The following RIPOR3 variants were observed in gnomAD, a reference collection of about 807,000 sequenced individuals.
RIPOR3 encodes the protein family with sequence similarity 65 member C.
Under a neutral mutation model 114.3 loss-of-function variants are expected in RIPOR3, and 95 were observed. The observed-to-expected ratio is 0.83, with a 90% CI of 0.70 to 0.99. RIPOR3 has a LOEUF of 0.99. Among genes scored for constraint, RIPOR3 ranks in the 50% least tolerant of loss-of-function variants. The pLI, the probability that RIPOR3 is intolerant of heterozygous loss-of-function variation, is 0.00. For missense variants in RIPOR3, 1,252 were observed against 1,266.9 expected, an observed-to-expected ratio of 0.99 and a Z score of 0.18; for synonymous variants, 575 against 543.8, an observed-to-expected ratio of 1.06 and a Z score of -0.80.
intron 1 of RIPOR3, among the ~76,000 whole-genome samples, chr20:50,638,967 C>T (rs1045975958): frequency 2.5e-4 from 38 of 152,220 alleles, no homozygotes; most frequent in South Asian, 6.2e-4. Flanking sequence ...ACAGGCCGGG[C>T]GCAGTGGCTC....
chr20:50,652,002 C>T (rs2085628187), intron 1 of RIPOR3, among the ~76,000 whole-genome samples: 1 of 152,204 alleles, frequency 6.6e-6, no homozygotes, highest in Non-Finnish European at 1.5e-5. Flanking sequence ...TCTTTGAACT[C>T]CCCCTCGGAG....
intron 1 of RIPOR3, among the ~76,000 whole-genome samples, chr20:50,681,938 G>A (rs2086874250): frequency 6.6e-6 from 1 of 152,234 alleles, no homozygotes; most frequent in South Asian, 2.1e-4. Context: ...TGTCAGTCAA[G>A]ATCTAGGGCA....
Position 50,602,792 on chromosome 20 carries a change from G to A in RIPOR3, c.1087-148C>T, listed in dbSNP as rs147849374. 7.1e-4 allele frequency: 370 copies of A among 518,906 alleles called. 4 individuals are homozygous for A. Among genetic ancestry groups the A allele is most frequent in the African/African-American group, 6.6e-3 (337 of 51,074 alleles). 32.1% of individuals were successfully genotyped at this position (518,906 alleles called of 1,614,324 possible). On this transcript the variant is annotated intron_variant, in intron 12 of 21. Transcript: ENST00000327979. The surrounding 1 kb of genome is among the most constrained non-coding windows in gnomAD (Gnocchi z 4.3). ...TGCCGAGGTGACCAGCATCCCAGAG[G>A]TGCAGAAAAAACCCTGTCCCCTCTC...
rs1361583900 is a variant in RIPOR3 at position 50,586,293 on chromosome 20, T to G, written c.*939A>C. On this transcript the variant is annotated 3_prime_UTR_variant, in exon 22 of 22. Coordinates refer to ENST00000327979, the MANE Select transcript of RIPOR3 (RefSeq NM_001290268.2). ...GCAACCTCAAACCCTAGGTTCTCTC[T>G]GCACTATTAACACAGACATCTCAGG... The G allele has an allele frequency of 6.5e-6, 1 of 153,488 alleles. No individual in the cohort carries two copies. Among genetic ancestry groups the G allele is most frequent in the Non-Finnish European group, 1.5e-5 (1 of 68,824 alleles). The allele number at this position is 153,488 out of a possible 1,614,324, so 9.5% of individuals were successfully genotyped here.
intron 1 of RIPOR3, among the ~76,000 whole-genome samples, chr20:50,680,321 G>T (rs2086817386): frequency 6.6e-6 from 1 of 152,204 alleles, no homozygotes; most frequent in Non-Finnish European, 1.5e-5. Context: ...TGATCCACAG[G>T]ACCCCTTTCA....
Position 50,630,849 on chromosome 20 carries a change from G to A in RIPOR3, c.11C>T (p.Thr4Ile). The A allele has an allele frequency of 6.3e-7, 1 of 1,599,912 alleles. No individual in the cohort carries two copies. The highest frequency in any genetic ancestry group is 2.3e-5 in the East Asian group (1 of 44,044). The stretch of plus-strand genomic sequence containing the variant: ...CAGGAACCGCAACCTCACCGACATG[G>A]TGGTCACCTGCAAGGAGAGGACAGG... MVT[T>I]MSVRLRFLSP... The change falls in exon 2 of 22, where the codon ACC becomes ATC. Residue 4 changes from threonine (T) to isoleucine (I), a missense_variant. Physicochemically the swap from Thr to Ile is moderately conservative, Grantham distance 89. Coordinates refer to ENST00000327979, the MANE Select transcript of RIPOR3 (RefSeq NM_001290268.2).
Position 50,589,679 on chromosome 20 carries a change from G to C in RIPOR3, c.2661+7C>G. ...ATCAGCCACTAATGGGGAAACGTCA[G>C]GCTCACCTTGAGGTGTTTGAGCGCT... is the stretch of plus-strand genomic sequence containing the variant. On this transcript the variant is annotated splice_region_variant and intron_variant, in intron 20 of 21. Transcript: ENST00000327979. The C allele has an allele frequency of 6.2e-7, 1 of 1,613,460 alleles. No homozygotes were observed.
intron 2 of RIPOR3, chr20:50,620,924 C>A: frequency 1.8e-6 from 1 of 556,694 alleles, no homozygotes; most frequent in Non-Finnish European, 3.5e-6. Flanking sequence ...GTACAAGCAG[C>A]ATGCTATGGA....
chr20:50,626,189 C>CG (rs1297515286), intron 2 of RIPOR3, among the ~76,000 whole-genome samples: 5 of 152,268 alleles, frequency 3.3e-5, no homozygotes, highest in African/African-American at 4.8e-5. Flanking sequence ...GGGAGCTCGA[C>CG]GGAGACAGGA....
chr20:50,587,658 C>T (rs1413513336), intron 21 of RIPOR3, 144 bp downstream of exon 21: 25 of 735,694 alleles, frequency 3.4e-5, no homozygotes, highest in Admixed American at 1.3e-4. Context: ...GGGTGGAGGT[C>T]GGCTCTGTGC....
At chr20:50,605,352 C>T (rs1216091764) in intron 11 of RIPOR3, among the ~76,000 whole-genome samples, 1 of 152,062 alleles carries the variant, frequency 6.6e-6, no homozygotes, top group Non-Finnish European at 1.5e-5. Flanking sequence ...TTGCTTAGGG[C>T]AGTGTCACAA....
Position 50,630,843 on chromosome 20 carries a change from G to T in RIPOR3, c.17C>A (p.Ser6Ter). Residue 6 changes from serine to a stop codon, truncating the protein, a stop_gained, in exon 2 of 22, where the codon TCG becomes TAG. Coordinates refer to ENST00000327979, the MANE Select transcript of RIPOR3 (RefSeq NM_001290268.2). LOFTEE classifies it high-confidence loss of function. MVTTM[S>*]VRLRFLSPGD... The stretch of plus-strand genomic sequence containing the variant: ...AGGGGACAGGAACCGCAACCTCACC[G>T]ACATGGTGGTCACCTGCAAGGAGAG... 6.2e-7 allele frequency: 1 copy of T among 1,602,954 alleles called. No homozygotes were observed. Among genetic ancestry groups the T allele is most frequent in the South Asian group, 1.1e-5 (1 of 89,168 alleles).
chr20:50,621,055 A>T, intron 2 of RIPOR3: 1 of 466,312 alleles, frequency 2.1e-6, no homozygotes. Context: ...GCCATGAGGA[A>T]AGCCACTGCC....
intron 1 of RIPOR3, among the ~76,000 whole-genome samples, chr20:50,638,887 G>A (rs757713331): frequency 4.6e-5 from 7 of 152,174 alleles, no homozygotes; most frequent in African/African-American, 9.7e-5. Flanking sequence ...CCCTGACACT[G>A]AGGGAGTGAG....
chr20:50,643,300 GTT>G (rs35657879), intron 1 of RIPOR3, among the ~76,000 whole-genome samples: 13 of 129,332 alleles, frequency 1.0e-4, no homozygotes, highest in Admixed American at 2.3e-4. Context: ...TTTTGTGTGT[GTT>G]TTTTTTTTTT....
chr20:50,637,704 A>G (rs568934765), intron 1 of RIPOR3, among the ~76,000 whole-genome samples: 3 of 152,134 alleles, frequency 2.0e-5, no homozygotes, highest in Admixed American at 6.6e-5. Flanking sequence ...GTGAAACCCC[A>G]TCTGTACTAA....
Position 50,602,855 on chromosome 20 carries a change from C to T in RIPOR3, c.1087-211G>A, listed in dbSNP as rs10084519. Among the ~76,000 whole-genome samples, 2 of 152,226 alleles carry T rather than the reference C, an allele frequency of 1.3e-5. No individual in the cohort carries two copies. The highest frequency in any genetic ancestry group is 2.9e-5 in the Non-Finnish European group (2 of 68,042). ...CCATCCCGCCTCCAACTCACTCCCC[C>T]CAACCTCAACAGCCTCCTGGCTATT... On this transcript the variant is annotated intron_variant, in intron 12 of 21. Coordinates refer to ENST00000327979, the MANE Select transcript of RIPOR3 (RefSeq NM_001290268.2). The surrounding 1 kb of genome is among the most constrained non-coding windows in gnomAD (Gnocchi z 4.3).
chr20:50,629,933 C>G (rs2084758753), intron 2 of RIPOR3, among the ~76,000 whole-genome samples: 1 of 152,276 alleles, frequency 6.6e-6, no homozygotes, highest in African/African-American at 2.4e-5. Flanking sequence ...CTCCACCTAT[C>G]TGAGCCTCTG....
chr20:50,636,516 A>G (rs1330448117), intron 1 of RIPOR3: 2 of 971,580 alleles, frequency 2.1e-6, no homozygotes, highest in Non-Finnish European at 1.2e-6. Flanking sequence ...CATGAGAGAC[A>G]GTGCAGAGAC....
Sources: allele counts gnomAD v4.1 joint callset (sites outside exome capture counted in the v4.1 genomes callset), GRCh38; gene constraint gnomAD v4.1.1; non-coding constraint Gnocchi (gnomAD v3.1); transcripts MANE v1.5; gene names NCBI Gene and HGNC (gene_info 2026-07-23, HGNC 2026-07-21).